The following PCDH15 variants were observed in gnomAD, a reference collection of about 807,000 sequenced individuals.
PCDH15 encodes the protein protocadherin related 15, also known as protocadherin-15.
In PCDH15, 129 loss-of-function variants were observed where a neutral mutation model predicts 178.5. The ratio of observed to expected loss-of-function variants is 0.72; its 90% CI spans 0.63 to 0.84. PCDH15 has a LOEUF of 0.84. PCDH15 is among the 40% of genes least tolerant of loss of function. The probability of loss-of-function intolerance (pLI) is 0.00; values close to 1 mark genes in which losing one functional copy is unlikely to be tolerated. For missense variants in PCDH15, 2,230 were observed against 2,099.9 expected, an observed-to-expected ratio of 1.06 and a Z score of -1.21; for synonymous variants, 800 against 732.0, an observed-to-expected ratio of 1.09 and a Z score of -1.50.
At chr10:54,057,497 T>G in intron 18 of PCDH15, among the ~76,000 whole-genome samples, 1 of 152,328 alleles carries the variant, frequency 6.6e-6, no homozygotes, top group South Asian at 2.1e-4. Flanking sequence ...CCTTGGCCCC[T>G]TTTAGCCATG....
chr10:55,411,140 G>A (rs1218638474), intron 2 of PCDH15, among the ~76,000 whole-genome samples: 2 of 151,980 alleles, frequency 1.3e-5, no homozygotes, highest in Non-Finnish European at 2.9e-5. Flanking sequence ...TAATCATACC[G>A]GATTTGAATT....
At chr10:55,264,442 T>A (rs183942277) in intron 1 of PCDH15, among the ~76,000 whole-genome samples, 53 of 152,172 alleles carry the variant, frequency 3.5e-4, no homozygotes, top group African/African-American at 1.2e-3. Context: ...ATTCCTATTC[T>A]CCAGGTTTTC....
intron 2 of PCDH15, among the ~76,000 whole-genome samples, chr10:55,396,174 C>T (rs1445678479): frequency 6.6e-6 from 1 of 152,118 alleles, no homozygotes; most frequent in Non-Finnish European, 1.5e-5. Context: ...TGAAATATAT[C>T]TTTGCATCAG....
At chr10:54,422,391 A>G (rs1955648488) in intron 3 of PCDH15, among the ~76,000 whole-genome samples, 1 of 152,064 alleles carries the variant, frequency 6.6e-6, no homozygotes, top group African/African-American at 2.4e-5. Context: ...TAGTTCCTAG[A>G]ATAGAGCATG....
intron 1 of PCDH15, among the ~76,000 whole-genome samples, chr10:54,742,728 G>A (rs1394611114): frequency 6.6e-6 from 1 of 152,010 alleles, no homozygotes; most frequent in African/African-American, 2.4e-5. Flanking sequence ...CTAGAAAGGA[G>A]AGACAGTCCC....
intron 3 of PCDH15, among the ~76,000 whole-genome samples, chr10:54,414,797 G>A (rs1369613163): frequency 1.3e-5 from 2 of 152,074 alleles, no homozygotes; most frequent in East Asian, 1.9e-4. Flanking sequence ...AAGTAGTAGA[G>A]CCAGGTTGTC....
chr10:54,831,376 C>G (rs970147878), intron 3 of PCDH15, among the ~76,000 whole-genome samples: 1 of 152,028 alleles, frequency 6.6e-6, no homozygotes. Context: ...TCAAAAGACA[C>G]ATTAATATAT....
intron 2 of PCDH15, among the ~76,000 whole-genome samples, chr10:54,983,251 A>G (rs1386079530): frequency 3.3e-5 from 5 of 152,194 alleles, no homozygotes; most frequent in African/African-American, 1.2e-4. Flanking sequence ...TCACCTTAGC[A>G]TAATCAAATA....
chr10:54,505,166 C>T (rs1166272829), intron 3 of PCDH15, among the ~76,000 whole-genome samples: 1 of 152,002 alleles, frequency 6.6e-6, no homozygotes, highest in Non-Finnish European at 1.5e-5. Flanking sequence ...TTCATAGCCA[C>T]TAAAATGGGT....
chr10:55,499,269 A>G (rs139068480), intron 2 of PCDH15, among the ~76,000 whole-genome samples: 1 of 151,908 alleles, frequency 6.6e-6, no homozygotes, highest in African/African-American at 2.4e-5. Context: ...GTAACAGAAA[A>G]CTAATACAAT....
intron 2 of PCDH15, among the ~76,000 whole-genome samples, chr10:54,651,220 C>G (rs12257633): frequency 0.12 from 17,977 of 151,776 alleles, 1,467 homozygotes; most frequent in African/African-American, 0.23. Context: ...ACAATATAGA[C>G]AGAAGGAAAT....
At chr10:54,724,031 T>G (rs68025769) in intron 1 of PCDH15, among the ~76,000 whole-genome samples, 1 of 149,728 alleles carries the variant, frequency 6.7e-6, no homozygotes, top group Non-Finnish European at 1.5e-5. Flanking sequence ...AGCAATCTCA[T>G]CCCTGAGTAT....
chr10:53,828,162 C>G (rs1464724780), intron 31 of PCDH15, among the ~76,000 whole-genome samples: 7 of 137,666 alleles, frequency 5.1e-5, no homozygotes, highest in Non-Finnish European at 1.1e-4. Context: ...GCCCAGATCA[C>G]GCCATTGCAC....
intron 8 of PCDH15, among the ~76,000 whole-genome samples, chr10:54,285,854 G>A (rs1033673148): frequency 6.6e-6 from 1 of 152,008 alleles, no homozygotes; most frequent in South Asian, 2.1e-4. Context: ...AGAAAATGTG[G>A]TATATATACA....
intron 5 of PCDH15, among the ~76,000 whole-genome samples, chr10:54,354,853 A>G (rs1944718738): frequency 6.6e-6 from 1 of 152,150 alleles, no homozygotes; most frequent in Admixed American, 6.6e-5. Context: ...TGTTCAAAAT[A>G]TATGTATTAA....
rs530168813 is a variant in PCDH15 at position 53,884,413 on chromosome 10, GATTAA to G, written c.3502-17561_3502-17557del. 2.6e-3 allele frequency among the ~76,000 whole-genome samples: 400 copies of G among 152,244 alleles called. 1 individual carries two copies. The highest frequency in any genetic ancestry group is 8.9e-3 in the African/African-American group (370 of 41,550). On this transcript the variant is annotated intron_variant, in intron 26 of 37. Transcript: ENST00000644397. ...TGGGTGCCATTTCTAAACCATGGAA[GATTAA>G]ATTAATGACCCCAAATCACACAGTT... is the stretch of plus-strand genomic sequence containing the variant.
chr10:55,538,052 T>C (rs556788687), intron 2 of PCDH15, among the ~76,000 whole-genome samples: 47 of 152,186 alleles, frequency 3.1e-4, no homozygotes, highest in Non-Finnish European at 5.6e-4. Context: ...GAATGATGGC[T>C]TGAGAAATGA....
intron 3 of PCDH15, among the ~76,000 whole-genome samples, chr10:54,391,415 A>T (rs1334039105): frequency 6.6e-6 from 1 of 152,040 alleles, no homozygotes; most frequent in Admixed American, 6.6e-5. Flanking sequence ...TCAAGCACCA[A>T]TTACTATAAT....
At chr10:55,019,061 CT>C (rs1840259080) in intron 2 of PCDH15, among the ~76,000 whole-genome samples, 1 of 152,050 alleles carries the variant, frequency 6.6e-6, no homozygotes, top group South Asian at 2.1e-4. Flanking sequence ...TTTTGCAGCT[CT>C]TTATCACCTT....
Sources: gnomAD v4.1 joint callset for allele counts (sites outside exome capture counted in the v4.1 genomes callset) on GRCh38, gnomAD v4.1.1 for gene constraint, MANE v1.5 for transcripts, NCBI Gene and HGNC (gene_info 2026-07-23, HGNC 2026-07-21) for gene names.